EEPD1: variants seen among roughly 807,000 people sequenced by gnomAD.
EEPD1 encodes the protein endonuclease/exonuclease/phosphatase family domain containing 1, also known as endonuclease/exonuclease/phosphatase family domain-containing protein 1.
Under a neutral mutation model 46.3 loss-of-function variants are expected in EEPD1, and 17 were observed. That is an observed-to-expected ratio of 0.37 (90% CI 0.25 to 0.55). The LOEUF (loss-of-function observed/expected upper bound fraction) is 0.55, where lower values mean the gene tolerates loss of function less well. Among genes scored for constraint, EEPD1 ranks in the 20% least tolerant of loss-of-function variants. The probability of loss-of-function intolerance (pLI) is 0.83; values close to 1 mark genes in which losing one functional copy is unlikely to be tolerated. For missense variants in EEPD1, 673 were observed against 745.6 expected (o/e 0.90, Z 1.13); for synonymous variants, 313 against 315.6 (o/e 0.99, Z 0.09).
At chr7:36,278,608 G>T (rs1710066765) in intron 3 of EEPD1, among the ~76,000 whole-genome samples, 1 of 152,136 alleles carries the variant, frequency 6.6e-6, no homozygotes, top group South Asian at 2.1e-4. Context: ...AAACAGTGAA[G>T]CACCAGCTGG....
rs34043840 is a variant in EEPD1 at position 36,233,074 on chromosome 7, TC to T, written c.879-5909del. ...AATGGGAGACTATCTGAAAAGTCCC[TC>T]CAGTGTAAATATTTATCATGGTTAT... is the stretch of plus-strand genomic sequence containing the variant. On this transcript the variant is annotated intron_variant, in intron 2 of 7. Transcript: ENST00000242108. 6.1e-4 allele frequency among the ~76,000 whole-genome samples: 93 copies of T among 152,306 alleles called. 1 individual carries two copies. Among genetic ancestry groups the T allele is most frequent in the African/African-American group, 2.1e-3 (87 of 41,582 alleles).
intron 2 of EEPD1, among the ~76,000 whole-genome samples, chr7:36,214,693 G>C (rs1279136822): frequency 1.3e-5 from 2 of 152,208 alleles, no homozygotes; most frequent in African/African-American, 4.8e-5. Context: ...ACTAAACATG[G>C]AGAACCTTTA....
At chr7:36,191,208 C>T (rs1161531046) in intron 2 of EEPD1, among the ~76,000 whole-genome samples, 5 of 152,118 alleles carry the variant, frequency 3.3e-5, no homozygotes, top group Non-Finnish European at 7.4e-5. Flanking sequence ...TGACTTGGGT[C>T]CTGGTCCTGA....
chr7:36,179,090 G>A (rs758040575), intron 2 of EEPD1, among the ~76,000 whole-genome samples: 2 of 152,184 alleles, frequency 1.3e-5, no homozygotes, highest in Non-Finnish European at 2.9e-5. Context: ...TTCTTACAGA[G>A]TTCCTCTTTA....
chr7:36,153,277 C>A lies in EEPD1; in HGVS notation c.-590C>A, dbSNP rs998636144. On this transcript the variant is annotated 5_prime_UTR_variant, in exon 1 of 8. Coordinates refer to ENST00000242108, the MANE Select transcript of EEPD1 (RefSeq NM_030636.3). ...GGGACTTTGGCTTTGACACCGACTG[C>A]GAGCGGGAGCCGTGCGGCTGGTGCT... The A allele has an allele frequency of 1.2e-4, 19 of 152,458 alleles. No homozygotes were observed. Among genetic ancestry groups the A allele is most frequent in the African/African-American group, 4.6e-4 (19 of 41,434 alleles). 9.4% of individuals were successfully genotyped at this position (152,458 alleles called of 1,614,324 possible).
At chr7:36,238,194 G>A (rs1386169734) in intron 2 of EEPD1, among the ~76,000 whole-genome samples, 1 of 152,196 alleles carries the variant, frequency 6.6e-6, no homozygotes, top group Non-Finnish European at 1.5e-5. Flanking sequence ...AATGAGCAGT[G>A]AGAGTGACCA....
intron 2 of EEPD1, among the ~76,000 whole-genome samples, chr7:36,179,085 A>G (rs1785230778): frequency 6.6e-6 from 1 of 152,244 alleles, no homozygotes; most frequent in African/African-American, 2.4e-5. Flanking sequence ...ACTTTTTCTT[A>G]CAGAGTTCCT....
At position 36,286,751 on chromosome 7, in the gene EEPD1, C is replaced by T. The variant is rs183021185; in HGVS notation, c.1177-888C>T. Among the ~76,000 whole-genome samples the T allele has an allele frequency of 7.2e-4, 110 of 152,208 alleles. 1 individual carries two copies. The highest frequency in any genetic ancestry group is 1.1e-3 in the Non-Finnish European group (76 of 67,996). On this transcript the variant is annotated intron_variant, in intron 5 of 7. Coordinates refer to ENST00000242108, the MANE Select transcript of EEPD1 (RefSeq NM_030636.3). ...GGGAGGAGGAGGAGGCACATCCCAG[C>T]GGTGGGTCCTGGCAGGAGACCTCAG...
chr7:36,275,837 A>G (rs34852941), intron 3 of EEPD1, among the ~76,000 whole-genome samples: 33,294 of 152,106 alleles, frequency 0.22, 4,435 homozygotes, highest in Non-Finnish European at 0.31. Context: ...GAGGAGCCAA[A>G]GTAGGAGAAA....
At chr7:36,208,207 G>A (rs1159154634) in intron 2 of EEPD1, among the ~76,000 whole-genome samples, 1 of 152,170 alleles carries the variant, frequency 6.6e-6, no homozygotes, top group Non-Finnish European at 1.5e-5. Context: ...GACTGGATGG[G>A]GGTGGGGTAG....
intron 2 of EEPD1, among the ~76,000 whole-genome samples, chr7:36,191,687 G>A (rs1476298755): frequency 2.0e-5 from 3 of 152,236 alleles, no homozygotes; most frequent in Non-Finnish European, 2.9e-5. Context: ...TGCCTGGTGT[G>A]TTATAGTTTG....
intron 2 of EEPD1, among the ~76,000 whole-genome samples, chr7:36,207,551 C>A (rs993708629): frequency 1.7e-4 from 26 of 152,156 alleles, no homozygotes; most frequent in Non-Finnish European, 1.0e-4. Context: ...CCTCAAGCAA[C>A]AATTCATCTT....
intron 3 of EEPD1, among the ~76,000 whole-genome samples, chr7:36,265,426 G>C (rs1053487019): frequency 1.1e-4 from 16 of 152,240 alleles, no homozygotes; most frequent in African/African-American, 3.9e-4. Flanking sequence ...AGTGTTTACA[G>C]ACAGAGAAAA....
At position 36,182,083 on chromosome 7, in the gene EEPD1, C is replaced by A. The variant is rs76949236; in HGVS notation, c.878+26881C>A. On this transcript the variant is annotated intron_variant, in intron 2 of 7. Transcript: ENST00000242108. ...AATATGCTTCTGGGAATTTGTCTTA[C>A]CAGCGTGGATAAGGTTGTGCATCGC... 8.8e-3 allele frequency among the ~76,000 whole-genome samples: 1,339 copies of A among 152,274 alleles called. 15 individuals are homozygous for A. Among genetic ancestry groups the A allele is most frequent in the African/African-American group, 0.03 (1,265 of 41,552 alleles).
chr7:36,223,752 G>A (rs927457533), intron 2 of EEPD1, among the ~76,000 whole-genome samples: 1 of 152,070 alleles, frequency 6.6e-6, no homozygotes. Context: ...CAAGGGTCAG[G>A]GGGAGAAGGA....
chr7:36,278,497 G>GT (rs1234863173), intron 3 of EEPD1, among the ~76,000 whole-genome samples: 1 of 150,738 alleles, frequency 6.6e-6, no homozygotes, highest in Non-Finnish European at 1.5e-5. Flanking sequence ...TGATCCCTTG[G>GT]TGGGGGGGCG....
intron 4 of EEPD1, among the ~76,000 whole-genome samples, chr7:36,283,948 G>A (rs1787299812): frequency 6.6e-6 from 1 of 152,248 alleles, no homozygotes; most frequent in Non-Finnish European, 1.5e-5. Context: ...CTGTGGTGGG[G>A]TAGAAAGGAG....
Position 36,208,128 on chromosome 7 carries a change from A to G in EEPD1, c.879-30857A>G, listed in dbSNP as rs542763968. ...TGAGCTGTCTGCCTGGGCCTGGGCC[A>G]ACAGGACCAGGTTACTTGAGTTCAG... On this transcript the variant is annotated intron_variant, in intron 2 of 7. Coordinates refer to ENST00000242108, the MANE Select transcript of EEPD1 (RefSeq NM_030636.3). 1.4e-4 allele frequency among the ~76,000 whole-genome samples: 21 copies of G among 152,270 alleles called. No individual in the cohort carries two copies. The East Asian group carries it at 3.5e-3, about 25-fold the overall frequency.
intron 2 of EEPD1, among the ~76,000 whole-genome samples, chr7:36,190,081 CAT>C (rs1408971208): frequency 1.3e-5 from 2 of 152,124 alleles, no homozygotes; most frequent in Non-Finnish European, 2.9e-5. Context: ...GTACAAAACA[CAT>C]AGTGAAGGCT....
Sources: allele counts gnomAD v4.1 joint callset (sites outside exome capture counted in the v4.1 genomes callset), GRCh38; gene constraint gnomAD v4.1.1; transcripts MANE v1.5; gene names NCBI Gene and HGNC (gene_info 2026-07-23, HGNC 2026-07-21).